The following ATL2 variants were observed in gnomAD, a reference collection of about 807,000 sequenced individuals.
ATL2 encodes atlastin-2.
In ATL2, 31 loss-of-function variants were observed where a neutral mutation model predicts 73.9. That is an observed-to-expected ratio of 0.42 (90% CI 0.32 to 0.57). The LOEUF (loss-of-function observed/expected upper bound fraction) is 0.57. Ranked by LOEUF, ATL2 falls within the 20% of genes least tolerant of loss-of-function variation. ATL2 has a pLI of 0.14. For missense variants in ATL2, 738 were observed against 702.6 expected (o/e 1.05, Z -0.57); for synonymous variants, 291 against 237.5 (o/e 1.23, Z -2.07).
At chr2:38,318,435 C>A in intron 4 of ATL2, 100 bp downstream of exon 4, 1 of 868,288 alleles carries the variant, frequency 1.2e-6, no homozygotes, top group African/African-American at 1.7e-5. Flanking sequence ...CACTGTACTC[C>A]AGCCTGGGCA....
intron 9 of ATL2, among the ~76,000 whole-genome samples, chr2:38,307,714 G>A (rs1256693934): frequency 6.6e-6 from 1 of 151,760 alleles, no homozygotes; most frequent in Non-Finnish European, 1.5e-5. Flanking sequence ...GTCTGATAAG[G>A]GATTAGTAAC....
intron 8 of ATL2, 55 bp from the exon 9 acceptor site, chr2:38,309,561 T>C: frequency 2.0e-6 from 3 of 1,518,554 alleles, no homozygotes; most frequent in Non-Finnish European, 2.7e-6. Flanking sequence ...AGGTCCCCAC[T>C]GGTACGATTT....
At chr2:38,331,040 C>A (rs539106307) in intron 2 of ATL2, among the ~76,000 whole-genome samples, 1 of 152,046 alleles carries the variant, frequency 6.6e-6, no homozygotes, top group African/African-American at 2.4e-5. Flanking sequence ...TGGTGGCTCA[C>A]GCCTGTAATC....
intron 1 of ATL2, among the ~76,000 whole-genome samples, chr2:38,358,970 T>C (rs1043190271): frequency 2.6e-5 from 4 of 152,226 alleles, no homozygotes; most frequent in African/African-American, 7.2e-5. Flanking sequence ...TTTTAACTTA[T>C]AATCTGGTCC....
At chr2:38,376,425 T>C (rs1380982622) in intron 1 of ATL2, 1 of 362,150 alleles carries the variant, frequency 2.8e-6, no homozygotes, top group Non-Finnish European at 4.9e-6. Flanking sequence ...CAGGCCTTAC[T>C]ATCGTCCAAG....
At chr2:38,376,329 G>A in intron 1 of ATL2, 1 of 1,121,162 alleles carries the variant, frequency 8.9e-7, no homozygotes, top group Non-Finnish European at 1.2e-6. Flanking sequence ...GGCGCTCCTG[G>A]TACACGTACA....
intron 1 of ATL2, among the ~76,000 whole-genome samples, chr2:38,371,842 A>T (rs1671708192): frequency 6.6e-6 from 1 of 151,886 alleles, no homozygotes; most frequent in Non-Finnish European, 1.5e-5. Context: ...GATTGCAGTG[A>T]GCCAAGATCA....
At chr2:38,364,519 T>G (rs1472080746) in intron 1 of ATL2, among the ~76,000 whole-genome samples, 1 of 152,210 alleles carries the variant, frequency 6.6e-6, no homozygotes, top group Non-Finnish European at 1.5e-5. Context: ...TTAAACATCA[T>G]TCTCTGTGGC....
At chr2:38,343,193 T>G in intron 2 of ATL2, 75 bp downstream of exon 2, 6 of 1,201,858 alleles carry the variant, frequency 5.0e-6, no homozygotes, top group South Asian at 1.6e-5. Context: ...TAGTTCTGGT[T>G]TTTGTCTATT....
intron 8 of ATL2, among the ~76,000 whole-genome samples, chr2:38,309,967 G>C (rs1667658344): frequency 6.6e-6 from 1 of 152,078 alleles, no homozygotes; most frequent in African/African-American, 2.4e-5. Context: ...TATCACTCCT[G>C]AAACAGACAC....
chr2:38,297,216 C>CA (rs993027940), intron 12 of ATL2, among the ~76,000 whole-genome samples: 11 of 151,730 alleles, frequency 7.2e-5, no homozygotes, highest in Non-Finnish European at 1.2e-4. Flanking sequence ...CAACTTTCTT[C>CA]AAAAAAAATG....
rs115029043 is a variant in ATL2 at position 38,373,643 on chromosome 2, T to A, written c.118+3500A>T. Among the ~76,000 whole-genome samples the A allele has an allele frequency of 1.2e-3, 184 of 152,284 alleles. 3 individuals carry two copies. The highest frequency in any genetic ancestry group is 4.3e-3 in the African/African-American group (178 of 41,558). On this transcript the variant is annotated intron_variant, in intron 1 of 12. Transcript: ENST00000378954. ...AAGGTGGCTACTTAAATACACACAT[T>A]TTTAAAAAACTGTATCCAAGTTTAG...
At chr2:38,376,681 A>C (rs1671988836) in intron 1 of ATL2, 1 of 151,968 alleles carries the variant, frequency 6.6e-6, no homozygotes, top group African/African-American at 2.4e-5. Context: ...TGCCCTGGCC[A>C]CCCCTTCCTC....
intron 1 of ATL2, among the ~76,000 whole-genome samples, chr2:38,351,878 G>A (rs1003844710): frequency 4.5e-4 from 68 of 151,826 alleles, no homozygotes; most frequent in African/African-American, 1.5e-3. Flanking sequence ...CTGGGAGGCC[G>A]AGGAAGTCAG....
At chr2:38,367,130 C>T (rs1445297985) in intron 1 of ATL2, among the ~76,000 whole-genome samples, 3 of 151,878 alleles carry the variant, frequency 2.0e-5, no homozygotes, top group Admixed American at 1.3e-4. Flanking sequence ...AAGACATTAT[C>T]TTTTAATCTT....
At chr2:38,311,676 G>A (rs1667762021) in intron 7 of ATL2, among the ~76,000 whole-genome samples, 1 of 152,204 alleles carries the variant, frequency 6.6e-6, no homozygotes, top group Non-Finnish European at 1.5e-5. Context: ...TACTGGTAGA[G>A]GGTTTTGGGG....
chr2:38,366,777 C>T (rs1669813269), intron 1 of ATL2, among the ~76,000 whole-genome samples: 1 of 152,170 alleles, frequency 6.6e-6, no homozygotes, highest in Non-Finnish European at 1.5e-5. Flanking sequence ...CTATAAGCAG[C>T]TCAAAAGCCC....
intron 2 of ATL2, among the ~76,000 whole-genome samples, chr2:38,338,485 A>C (rs1393499351): frequency 6.6e-6 from 1 of 152,160 alleles, no homozygotes; most frequent in Non-Finnish European, 1.5e-5. Context: ...TAAAGTAAAC[A>C]CTTTGGATTG....
chr2:38,325,971 A>T (rs1668639602), intron 2 of ATL2, among the ~76,000 whole-genome samples: 1 of 151,762 alleles, frequency 6.6e-6, no homozygotes, highest in African/African-American at 2.4e-5. Flanking sequence ...TAAAAAACTA[A>T]GGAGCCAGGT....
Sources: gnomAD v4.1 joint callset for allele counts (sites outside exome capture counted in the v4.1 genomes callset) on GRCh38, gnomAD v4.1.1 for gene constraint, MANE v1.5 for transcripts, NCBI Gene and HGNC (gene_info 2026-07-23, HGNC 2026-07-21) for gene names.